Variants in CSGALNACT1 observed in about 807,000 individuals in gnomAD.
CSGALNACT1 encodes the protein beta4GalNAcT-1.
CSGALNACT1 carries 52 observed loss-of-function variants against 51.0 expected under a neutral mutation model. The ratio of observed to expected loss-of-function variants is 1.02; its 90% confidence interval spans 0.82 to 1.29. CSGALNACT1 has a LOEUF of 1.29. Ranked by LOEUF, CSGALNACT1 falls within the 50% of genes most tolerant of loss-of-function variation. The pLI, the probability that CSGALNACT1 is intolerant of heterozygous loss-of-function variation, is 0.00. For synonymous variants in CSGALNACT1, 341 were observed against 254.4 expected, an observed-to-expected ratio of 1.34 and a Z score of -3.24; for missense variants, 935 against 679.2, an observed-to-expected ratio of 1.38 and a Z score of -4.19.
In CSGALNACT1 at chr8:19,408,468, CTTTTTTT is replaced by C. The variant is rs1186216767; in HGVS notation, c.1309+138_1309+144del. The C allele has an allele frequency of 3.5e-4, 166 of 469,494 alleles. 1 individual carries two copies. Among genetic ancestry groups the C allele is most frequent in the Admixed American group, 7.9e-4 (19 of 23,984 alleles). 29.1% of individuals were successfully genotyped at this position (469,494 alleles called of 1,614,324 possible). A position where few individuals can be genotyped will look rare whatever the true frequency, so the allele number is the denominator to read the frequency against. On this transcript the variant is annotated intron_variant, in intron 9 of 9. Transcript: ENST00000454498. Reference sequence around the variant, plus strand: ...AGCCACCGCACCTAGTCTGGAATAGCTTTTTTTTTTTTTTTTTTTTTTTTTTTTTGAA... The same window carrying C: ...AGCCACCGCACCTAGTCTGGAATAGCTTTTTTTTTTTTTTTTTTTTTTGAA...
At chr8:19,752,746 T>C (rs2065120056) in intron 1 of CSGALNACT1, among the ~76,000 whole-genome samples, 1 of 152,198 alleles carries the variant, frequency 6.6e-6, no homozygotes, top group Non-Finnish European at 1.5e-5. Context: ...GTCCTTTGTG[T>C]GTGAAAATGA....
chr8:19,723,989 T>C (rs2063264749), intron 1 of CSGALNACT1, among the ~76,000 whole-genome samples: 1 of 152,178 alleles, frequency 6.6e-6, no homozygotes. Flanking sequence ...CTCAAATCTC[T>C]CATTTCGAAA....
intron 1 of CSGALNACT1, among the ~76,000 whole-genome samples, chr8:19,747,236 A>G (rs936182560): frequency 6.6e-6 from 1 of 151,596 alleles, no homozygotes; most frequent in Admixed American, 6.6e-5. Flanking sequence ...CAAGAGGTCA[A>G]TGTCTTGAGT....
At chr8:19,617,449 T>C (rs564332604) in intron 1 of CSGALNACT1, among the ~76,000 whole-genome samples, 81 of 152,312 alleles carry the variant, frequency 5.3e-4, no homozygotes, top group African/African-American at 1.6e-3. Context: ...CCTAACACAA[T>C]GTTTAACCCG....
intron 4 of CSGALNACT1, among the ~76,000 whole-genome samples, chr8:19,499,616 G>A (rs1049123217): frequency 1.4e-4 from 21 of 152,100 alleles, no homozygotes; most frequent in Non-Finnish European, 2.1e-4. Flanking sequence ...GGCTCCATCT[G>A]CCCCAGTCCA....
intron 3 of CSGALNACT1, among the ~76,000 whole-genome samples, chr8:19,545,668 A>C (rs2086293979): frequency 6.6e-6 from 1 of 151,990 alleles, no homozygotes; most frequent in Non-Finnish European, 1.5e-5. Flanking sequence ...AAGGGAGAAA[A>C]AACGTAAGGA....
chr8:19,533,171 T>C (rs916492190), intron 3 of CSGALNACT1, among the ~76,000 whole-genome samples: 2 of 152,136 alleles, frequency 1.3e-5, no homozygotes, highest in Admixed American at 1.3e-4. Flanking sequence ...GGCTGGAGTG[T>C]GGTGACGATG....
chr8:19,468,253 T>C (rs1045397759), intron 4 of CSGALNACT1, among the ~76,000 whole-genome samples: 4 of 152,130 alleles, frequency 2.6e-5, no homozygotes, highest in Non-Finnish European at 4.4e-5. Context: ...TAAGGAAAGA[T>C]AATCGTGGAA....
At chr8:19,599,539 G>GAAA (rs2049932556) in intron 2 of CSGALNACT1, among the ~76,000 whole-genome samples, 5 of 123,194 alleles carry the variant, frequency 4.1e-5, no homozygotes, top group African/African-American at 1.5e-4. Context: ...GAAAGAAAAA[G>GAAA]AAGGAAAGAA....
At chr8:19,635,750 C>T (rs980457360) in intron 1 of CSGALNACT1, among the ~76,000 whole-genome samples, 3 of 152,118 alleles carry the variant, frequency 2.0e-5, no homozygotes, top group Non-Finnish European at 4.4e-5. Context: ...TTTTTTGAGA[C>T]GGAGTCTTGC....
chr8:19,699,198 G>A (rs951838999), intron 1 of CSGALNACT1, among the ~76,000 whole-genome samples: 2 of 152,054 alleles, frequency 1.3e-5, no homozygotes, highest in African/African-American at 4.8e-5. Context: ...GTTTTTTAAT[G>A]ACTCATTGCT....
At chr8:19,542,085 A>G (rs1399807830) in intron 3 of CSGALNACT1, among the ~76,000 whole-genome samples, 1 of 152,144 alleles carries the variant, frequency 6.6e-6, no homozygotes. Flanking sequence ...TTCTTGATGG[A>G]AGCAAAAAGA....
intron 6 of CSGALNACT1, among the ~76,000 whole-genome samples, chr8:19,428,831 G>C: frequency 2.2e-5 from 1 of 45,144 alleles, no homozygotes; most frequent in Admixed American, 2.3e-4. Flanking sequence ...TGATATGTGT[G>C]TGTGTGTGTG....
intron 1 of CSGALNACT1, among the ~76,000 whole-genome samples, chr8:19,667,746 A>T (rs902427778): frequency 2.0e-5 from 3 of 152,016 alleles, no homozygotes; most frequent in Admixed American, 6.5e-5. Context: ...TGTAAAAATC[A>T]TAGGCCATAA....
Position 19,496,041 on chromosome 8 carries a change from C to T in CSGALNACT1, c.634+9160G>A, listed in dbSNP as rs961596735. ...TTCGGAAAATAATGACCCCGTATTC[C>T]GGCAATGAGGAAGAGGGGGCTGATT... On this transcript the variant is annotated intron_variant, in intron 4 of 9. Coordinates refer to ENST00000454498, the Ensembl canonical transcript of CSGALNACT1. 7.9e-5 allele frequency among the ~76,000 whole-genome samples: 12 copies of T among 152,200 alleles called. No homozygotes were observed. In the South Asian group the frequency reaches 1.7e-3, roughly 21 times the overall value.
chr8:19,464,177 T>A (rs568826625), intron 4 of CSGALNACT1, among the ~76,000 whole-genome samples: 1 of 152,134 alleles, frequency 6.6e-6, no homozygotes, highest in Non-Finnish European at 1.5e-5. Flanking sequence ...TCATTCTCAG[T>A]CTCCACATTC....
At chr8:19,646,972 C>T (rs1391327669) in intron 1 of CSGALNACT1, among the ~76,000 whole-genome samples, 1 of 152,148 alleles carries the variant, frequency 6.6e-6, no homozygotes, top group African/African-American at 2.4e-5. Context: ...ACATGCATGA[C>T]CTCCTTTGGC....
chr8:19,443,038 C>T (rs1021507356), intron 5 of CSGALNACT1, among the ~76,000 whole-genome samples: 12 of 152,176 alleles, frequency 7.9e-5, no homozygotes, highest in African/African-American at 2.9e-4. Context: ...CCGAGCACCT[C>T]ATGCTCCAGC....
chr8:19,729,795 T>C (rs1392121204), intron 1 of CSGALNACT1, among the ~76,000 whole-genome samples: 1 of 152,008 alleles, frequency 6.6e-6, no homozygotes, highest in African/African-American at 2.4e-5. Flanking sequence ...CATATGACCT[T>C]GAGCCTGGAG....
Sources: allele counts gnomAD v4.1 joint callset (sites outside exome capture counted in the v4.1 genomes callset), GRCh38; gene constraint gnomAD v4.1.1; transcripts MANE v1.5; gene names NCBI Gene and HGNC (gene_info 2026-07-23, HGNC 2026-07-21).